Variants in SPECC1L observed in about 807,000 individuals in gnomAD.
The protein encoded by SPECC1L is sperm antigen with calponin homology and coiled-coil domains 1 like, also known as cytospin-A.
A neutral mutation model predicts 116.8 loss-of-function variants in SPECC1L; 40 were observed. That is an observed-to-expected ratio of 0.34 (90% CI 0.27 to 0.45). SPECC1L has a LOEUF of 0.45. Among genes scored for constraint, SPECC1L ranks in the 20% least tolerant of loss-of-function variants. The pLI is 1.00. For missense variants in SPECC1L, 1,110 were observed against 1,373.6 expected (o/e 0.81, Z 3.03); for synonymous variants, 504 against 500.6 (o/e 1.01, Z -0.09).
At chr22:24,352,406 T>C (rs965420369) in intron 11 of SPECC1L, among the ~76,000 whole-genome samples, 1 of 152,206 alleles carries the variant, frequency 6.6e-6, no homozygotes, top group East Asian at 1.9e-4. Flanking sequence ...AGCTCAGGCA[T>C]ATAGATGTCT....
chr22:24,388,658 C>T (rs905397713), intron 14 of SPECC1L, among the ~76,000 whole-genome samples: 4 of 152,138 alleles, frequency 2.6e-5, no homozygotes, highest in African/African-American at 9.7e-5. Flanking sequence ...GAGGAATCGC[C>T]AAACTGACTT....
chr22:24,302,264 G>C lies in SPECC1L; in HGVS notation c.33G>C (p.Val11=), dbSNP rs2049396661. MKKASRSVGS[V]PKVSAISKTQ... ...AAGCAAGCAGGAGTGTTGGCTCAGT[G>C]CCTAAAGTGTCTGCAATAAGTAAAA... The change falls in exon 3 of 17, where the codon GTG becomes GTC. Residue 11 remains valine, a synonymous_variant. Coordinates refer to ENST00000314328, the MANE Select transcript of SPECC1L (RefSeq NM_015330.6). The C allele has an allele frequency of 6.2e-7, 1 of 1,614,002 alleles. No individual in the cohort carries two copies. Among genetic ancestry groups the C allele is most frequent in the South Asian group, 1.1e-5 (1 of 91,080 alleles).
At chr22:24,389,836 C>CT (rs1346650098) in intron 14 of SPECC1L, among the ~76,000 whole-genome samples, 1 of 152,074 alleles carries the variant, frequency 6.6e-6, no homozygotes, top group African/African-American at 2.4e-5. Context: ...ATGGTACTTG[C>CT]TACCTGCACA....
At chr22:24,323,531 G>A (rs527822244) in intron 5 of SPECC1L, among the ~76,000 whole-genome samples, 1 of 152,170 alleles carries the variant, frequency 6.6e-6, no homozygotes, top group South Asian at 2.1e-4. Flanking sequence ...CTGGCATTCT[G>A]GCCAGGGATC....
At position 24,385,004 on chromosome 22, in the gene SPECC1L, A is replaced by C. The variant is rs1041781780; in HGVS notation, c.3087+15684A>C. Among the ~76,000 whole-genome samples the C allele has an allele frequency of 4.0e-5, 6 of 151,510 alleles. 1 individual carries two copies. Among genetic ancestry groups the C allele is most frequent in the Non-Finnish European group, 7.4e-5 (5 of 67,898 alleles). ...GCTGAACCCGGGAGGCAGAGCTTGC[A>C]GTGAGCTGAGATCGCGCCACTGAAC... On this transcript the variant is annotated intron_variant, in intron 14 of 16. Transcript: ENST00000314328.
intron 2 of SPECC1L, among the ~76,000 whole-genome samples, chr22:24,281,403 T>C (rs1011063536): frequency 2.0e-5 from 3 of 152,230 alleles, no homozygotes; most frequent in Admixed American, 6.5e-5. Context: ...AGGGGAAGAA[T>C]TGACTTCTTA....
At chr22:24,359,996 G>A (rs932775147) in intron 11 of SPECC1L, among the ~76,000 whole-genome samples, 4 of 152,138 alleles carry the variant, frequency 2.6e-5, no homozygotes, top group Admixed American at 6.5e-5. Context: ...ATGAGAGCAA[G>A]TTTCCTGTCT....
chr22:24,412,338 C>G (rs889255611), intron 15 of SPECC1L: 2 of 452,170 alleles, frequency 4.4e-6, no homozygotes, highest in African/African-American at 4.0e-5. Flanking sequence ...GATGAGTGTT[C>G]CTAACTAGCT....
intron 14 of SPECC1L, among the ~76,000 whole-genome samples, chr22:24,390,880 T>TTTTTTTTTTTC (rs2042257488): frequency 8.5e-6 from 1 of 118,058 alleles, no homozygotes; most frequent in African/African-American, 3.3e-5. Flanking sequence ...TTCTTTTTTT[T>TTTTTTTTTTTC]TTTTTTTTTT....
intron 12 of SPECC1L, 79 bp from the exon 13 acceptor site, chr22:24,365,397 A>T: frequency 7.4e-7 from 1 of 1,354,914 alleles, no homozygotes. Context: ...TTGTTTTTGG[A>T]ATCTTCAGAA....
At chr22:24,362,504 T>G (rs1253985845) in intron 11 of SPECC1L, among the ~76,000 whole-genome samples, 1 of 152,210 alleles carries the variant, frequency 6.6e-6, no homozygotes, top group Non-Finnish European at 1.5e-5. Flanking sequence ...AAATGTTTGA[T>G]GCTTCCTTGT....
rs1196560097 is a variant in SPECC1L, at chr22:24,416,806, G to A, written c.*2183G>A. On this transcript the variant is annotated 3_prime_UTR_variant, in exon 17 of 17. Coordinates refer to ENST00000314328, the MANE Select transcript of SPECC1L (RefSeq NM_015330.6). ...GGGCTGTATCTGTGTTTTCCCTCTG[G>A]GAGTCTCATGGGTCCAGCATCAGGC... The A allele has an allele frequency of 6.6e-6, 1 of 152,288 alleles. No individual in the cohort carries two copies. Among genetic ancestry groups the A allele is most frequent in the Admixed American group, 6.5e-5 (1 of 15,278 alleles). 9.4% of individuals were successfully genotyped at this position (152,288 alleles called of 1,614,324 possible). A position where few individuals can be genotyped will look rare whatever the true frequency, so the allele number is the denominator to read the frequency against.
At chr22:24,305,804 T>G (rs1225338273) in intron 3 of SPECC1L, among the ~76,000 whole-genome samples, 3 of 152,364 alleles carry the variant, frequency 2.0e-5, no homozygotes, top group Non-Finnish European at 4.4e-5. Context: ...TACTTCACAT[T>G]TTCTCCTGTA....
rs2041312945 is a variant in SPECC1L, at chr22:24,347,140, G to A, written c.2707G>A (p.Asp903Asn). ...ATCCAAACCCCTGACAGCCCTGTCA[G>A]ATAAGAGACCAAACTATGGGGAAAT... Reference protein sequence around the residue: ...STSKPLTALSDKRPNYGEIPV... With the variant: ...STSKPLTALSNKRPNYGEIPV... Residue 903 changes from aspartate to asparagine, a missense_variant, in exon 11 of 17, where the codon GAT becomes AAT. Physicochemically the swap from Asp to Asn is conservative, Grantham distance 23. Around this residue, in one of 4 missense-constraint regions of SPECC1L, gnomAD observed 575 missense variants for 682.4 expected, o/e 0.84. Coordinates refer to ENST00000314328, the MANE Select transcript of SPECC1L (RefSeq NM_015330.6). The A allele has an allele frequency of 1.2e-6, 2 of 1,613,858 alleles. No homozygotes were observed. The highest frequency in any genetic ancestry group is 2.7e-5 in the African/African-American group (2 of 74,918).
intron 11 of SPECC1L, among the ~76,000 whole-genome samples, chr22:24,356,176 G>A (rs1476242356): frequency 6.6e-6 from 1 of 151,970 alleles, no homozygotes; most frequent in African/African-American, 2.4e-5. Context: ...ATAAATATCA[G>A]TTAGATCTAG....
chr22:24,372,474 G>A (rs1418758153), intron 14 of SPECC1L, among the ~76,000 whole-genome samples: 1 of 152,126 alleles, frequency 6.6e-6, no homozygotes, highest in African/African-American at 2.4e-5. Context: ...TTCAACATAC[G>A]CAAATCAATA....
At chr22:24,303,234 T>C (rs2049418026) in intron 3 of SPECC1L, among the ~76,000 whole-genome samples, 1 of 152,162 alleles carries the variant, frequency 6.6e-6, no homozygotes, top group Non-Finnish European at 1.5e-5. Flanking sequence ...TGTAGAAAGA[T>C]CTAACAGGAA....
intron 2 of SPECC1L, among the ~76,000 whole-genome samples, chr22:24,278,533 G>A (rs1435836748): frequency 1.3e-5 from 2 of 152,092 alleles, no homozygotes; most frequent in Admixed American, 1.3e-4. Context: ...ATCAAAGTTA[G>A]CAGATATTGA....
intron 2 of SPECC1L, among the ~76,000 whole-genome samples, chr22:24,284,484 G>A (rs1404664677): frequency 6.6e-6 from 1 of 151,952 alleles, no homozygotes; most frequent in African/African-American, 2.4e-5. Flanking sequence ...GCCCAGGCTG[G>A]AGTGCAGTGG....
Sources: allele counts gnomAD v4.1 joint callset (sites outside exome capture counted in the v4.1 genomes callset), GRCh38; gene constraint gnomAD v4.1.1; regional missense constraint gnomAD v4.1.1; transcripts MANE v1.5; gene names NCBI Gene and HGNC (gene_info 2026-07-23, HGNC 2026-07-21).